DAP: variants seen among roughly 807,000 people sequenced by gnomAD.
DAP encodes death associated protein, also known as death-associated protein 1.
DAP carries 8 observed loss-of-function variants against 13.8 expected under a neutral mutation model. The ratio of observed to expected loss-of-function variants is 0.58; its 90% confidence interval spans 0.34 to 1.05. DAP has a LOEUF of 1.05. Ranked by LOEUF, DAP falls within the 50% of genes least tolerant of loss-of-function variation. The pLI, the probability that DAP is intolerant of heterozygous loss-of-function variation, is 0.03. For missense variants in DAP, 106 were observed against 133.2 expected, an observed-to-expected ratio of 0.80 and a Z score of 1.01; for synonymous variants, 47 against 47.5, an observed-to-expected ratio of 0.99 and a Z score of 0.04.
chr5:10,683,582 A>C lies in DAP; in HGVS notation c.153-11T>G. On this transcript the variant is annotated splice_polypyrimidine_tract_variant and intron_variant, in intron 2 of 3. Transcript: ENST00000230895. ...GTGGGTTTAGGTGGACTGGAAAAAA[A>C]GAAGGGAAAAGGCAGATTTAACAAA... 6.2e-7 allele frequency: 1 copy of C among 1,613,576 alleles called. No individual in the cohort carries two copies. The highest frequency in any genetic ancestry group is 8.5e-7 in the Non-Finnish European group (1 of 1,179,568).
intron 2 of DAP, among the ~76,000 whole-genome samples, chr5:10,689,444 C>A (rs1056424959): frequency 3.3e-5 from 5 of 152,208 alleles, no homozygotes; most frequent in Non-Finnish European, 7.3e-5. Flanking sequence ...TAAGAGTCCA[C>A]AGGAGTCATT....
chr5:10,698,543 A>G (rs1270818686), intron 2 of DAP, among the ~76,000 whole-genome samples: 9 of 152,196 alleles, frequency 5.9e-5, no homozygotes, highest in Admixed American at 5.9e-4. Flanking sequence ...ACTGTGAGCC[A>G]CTAATTAAAG....
At chr5:10,718,327 T>C (rs1204890184) in intron 2 of DAP, among the ~76,000 whole-genome samples, 3 of 152,086 alleles carry the variant, frequency 2.0e-5, no homozygotes, top group Non-Finnish European at 4.4e-5. Context: ...CTGTGGTCAA[T>C]CCCCCAGTGC....
chr5:10,742,318 A>T (rs1371072997), intron 2 of DAP, among the ~76,000 whole-genome samples: 2 of 152,128 alleles, frequency 1.3e-5, no homozygotes, highest in Non-Finnish European at 2.9e-5. Context: ...GCCAATCACA[A>T]GGTCAGGAGT....
Position 10,722,603 on chromosome 5 carries a change from T to TAC in DAP, c.152+25570_152+25571dup, listed in dbSNP as rs1739181437. ...ATATATATACATATATACATATATA[T>TAC]ACATATATACACATATATACACACA... On this transcript the variant is annotated intron_variant, in intron 2 of 3. Coordinates refer to ENST00000230895, the MANE Select transcript of DAP (RefSeq NM_004394.3). Among the ~76,000 whole-genome samples, 4 of 149,046 alleles carry TAC rather than the reference T, an allele frequency of 2.7e-5. No homozygotes were observed. The Admixed American group carries it at 2.7e-4, about 10-fold the overall frequency.
intron 2 of DAP, among the ~76,000 whole-genome samples, chr5:10,700,914 G>A (rs1228575333): frequency 3.3e-5 from 5 of 152,258 alleles, no homozygotes; most frequent in Non-Finnish European, 5.9e-5. Context: ...ACCAGCACAA[G>A]GCAGAATGTG....
chr5:10,733,188 GTGTGTGTGTGTGTGTGTGTA>G lies in DAP; in HGVS notation c.152+14967_152+14986del, dbSNP rs1435851123. On this transcript the variant is annotated intron_variant, in intron 2 of 3. Coordinates refer to ENST00000230895, the MANE Select transcript of DAP (RefSeq NM_004394.3). The stretch of plus-strand genomic sequence containing the variant: ...TGTGTGTGTGTGTGTGTGTGTGTGT[GTGTGTGTGTGTGTGTGTGTA>G]TACCCTACATTTTGTTTCTCCATTC... Among the ~76,000 whole-genome samples the G allele has an allele frequency of 4.9e-4, 63 of 128,242 alleles. 1 individual carries two copies. The highest frequency in any genetic ancestry group is 4.5e-3 in the South Asian group (19 of 4,228). 84.1% of individuals were successfully genotyped at this position (128,242 alleles called of 152,430 possible).
At chr5:10,703,740 A>T (rs975276617) in intron 2 of DAP, among the ~76,000 whole-genome samples, 1 of 152,210 alleles carries the variant, frequency 6.6e-6, no homozygotes, top group African/African-American at 2.4e-5. Context: ...CCTGGGGCTC[A>T]TGCCAATTGC....
intron 2 of DAP, among the ~76,000 whole-genome samples, chr5:10,739,018 C>T (rs148127690): frequency 3.7e-4 from 56 of 151,724 alleles, no homozygotes; most frequent in East Asian, 2.1e-3. Context: ...CTGGCTAACA[C>T]GCTGAAACTC....
rs188410065 is a variant in DAP, at chr5:10,707,587, G to A, written c.153-24016C>T. Among the ~76,000 whole-genome samples, 236 of 152,072 alleles carry A rather than the reference G, an allele frequency of 1.6e-3. 1 individual carries two copies. Among genetic ancestry groups the A allele is most frequent in the Admixed American group, 6.4e-3 (98 of 15,288 alleles). On this transcript the variant is annotated intron_variant, in intron 2 of 3. Transcript: ENST00000230895. The surrounding 1 kb of genome is among the most constrained non-coding windows in gnomAD (Gnocchi z 4.0). Reference sequence around the variant, plus strand: ...GCGATCAGTGTGGTGCACAGGCAGTGTGATGTGATTTGTGAGCAGTGTGGT... The same window carrying A: ...GCGATCAGTGTGGTGCACAGGCAGTATGATGTGATTTGTGAGCAGTGTGGT...
At chr5:10,688,692 AAC>A (rs1738218627) in intron 2 of DAP, among the ~76,000 whole-genome samples, 1 of 151,718 alleles carries the variant, frequency 6.6e-6, no homozygotes, top group Non-Finnish European at 1.5e-5. Flanking sequence ...GTCCCATCAC[AAC>A]TGCTGAATGG....
chr5:10,757,602 C>T (rs1468265177), intron 1 of DAP, among the ~76,000 whole-genome samples: 1 of 152,152 alleles, frequency 6.6e-6, no homozygotes, highest in Non-Finnish European at 1.5e-5. Flanking sequence ...CGGCACTGTC[C>T]TCGGTATCTC....
Position 10,722,009 on chromosome 5 carries a change from T to C in DAP, c.152+26166A>G, listed in dbSNP as rs141199170. On this transcript the variant is annotated intron_variant, in intron 2 of 3. Coordinates refer to ENST00000230895, the MANE Select transcript of DAP (RefSeq NM_004394.3). ...GCGTTTCTGGTAGTACAAAGGATAG[T>C]TGTATTATGTTAGGTGTAATTATGA... 4.6e-3 allele frequency among the ~76,000 whole-genome samples: 694 copies of C among 152,296 alleles called. 2 individuals are homozygous for C. Among genetic ancestry groups the C allele is most frequent in the African/African-American group, 0.015 (640 of 41,550 alleles).
chr5:10,705,548 A>G (rs960059284), intron 2 of DAP, among the ~76,000 whole-genome samples: 3 of 152,240 alleles, frequency 2.0e-5, no homozygotes, highest in African/African-American at 7.2e-5. Flanking sequence ...ATTTGTGATG[A>G]AACAGAAGCA....
At chr5:10,743,639 A>C (rs1452221928) in intron 2 of DAP, among the ~76,000 whole-genome samples, 1 of 151,988 alleles carries the variant, frequency 6.6e-6, no homozygotes, top group Non-Finnish European at 1.5e-5. Context: ...GTGAACCCTG[A>C]CTCCTAAAGT....
At chr5:10,719,716 C>A (rs1739088395) in intron 2 of DAP, among the ~76,000 whole-genome samples, 1 of 152,176 alleles carries the variant, frequency 6.6e-6, no homozygotes, top group Admixed American at 6.5e-5. Context: ...GTCCTGAAGG[C>A]ATAAGTAAGT....
intron 2 of DAP, among the ~76,000 whole-genome samples, chr5:10,728,182 T>C (rs974239531): frequency 6.6e-6 from 1 of 152,160 alleles, no homozygotes; most frequent in Non-Finnish European, 1.5e-5. Context: ...GAAAGTGAAA[T>C]GCTATTTTTT....
chr5:10,737,732 T>C (rs1226857380), intron 2 of DAP, among the ~76,000 whole-genome samples: 1 of 152,180 alleles, frequency 6.6e-6, no homozygotes, highest in South Asian at 2.1e-4. Context: ...TTGCTATAGA[T>C]CACCATTTGG....
intron 2 of DAP, among the ~76,000 whole-genome samples, chr5:10,689,244 C>A (rs1738237058): frequency 6.6e-6 from 1 of 152,206 alleles, no homozygotes; most frequent in Middle Eastern, 3.4e-3. Flanking sequence ...CACGCTCTTT[C>A]CTTTCCTAAA....
Sources: gnomAD v4.1 joint callset for allele counts (sites outside exome capture counted in the v4.1 genomes callset) on GRCh38, gnomAD v4.1.1 for gene constraint, Gnocchi (gnomAD v3.1) non-coding constraint, MANE v1.5 for transcripts, NCBI Gene and HGNC (gene_info 2026-07-23, HGNC 2026-07-21) for gene names.